AIRE: variants seen among roughly 807,000 people sequenced by gnomAD.
AIRE encodes the protein autoimmune polyendocrinopathy candidiasis ectodermal dystrophy protein.
Under a neutral mutation model 62.1 loss-of-function variants are expected in AIRE, and 52 were observed. The ratio of observed to expected loss-of-function variants is 0.84; its 90% CI spans 0.67 to 1.06. The LOEUF (loss-of-function observed/expected upper bound fraction) is 1.06, where lower values mean the gene tolerates loss of function less well. Ranked by LOEUF, AIRE falls within the 50% of genes least tolerant of loss-of-function variation. The pLI, the probability that AIRE is intolerant of heterozygous loss-of-function variation, is 0.00. For missense variants in AIRE, 774 were observed against 755.8 expected (o/e 1.02, Z -0.28); for synonymous variants, 342 against 321.6 (o/e 1.06, Z -0.68).
Position 44,287,651 on chromosome 21 carries a change from G to T in AIRE, c.538+60G>T. 1 of 1,484,512 alleles carries T rather than the reference G, an allele frequency of 6.7e-7. No homozygotes were observed. 92.0% of individuals were successfully genotyped at this position (1,484,512 alleles called of 1,614,324 possible). On this transcript the variant is annotated intron_variant, in intron 4 of 13. Transcript: ENST00000291582. The surrounding 1 kb of genome is among the most constrained non-coding windows in gnomAD (Gnocchi z 4.3). ...CCTGGCCAGGGGCAAGGGGTCAGGG[G>T]TCAGAGCAGGGCCTGCCCTCTGAGA...
chr21:44,292,923 C>G, intron 9 of AIRE, 70 bp from the exon 10 acceptor site: 2 of 1,446,776 alleles, frequency 1.4e-6, no homozygotes, highest in Non-Finnish European at 1.9e-6. Flanking sequence ...AGGGTCCCAG[C>G]AGTCACTGAC....
intron 5 of AIRE, chr21:44,289,267 C>T: frequency 4.4e-6 from 1 of 226,168 alleles, no homozygotes; most frequent in Non-Finnish European, 8.0e-6. Flanking sequence ...CTCCTTGTTC[C>T]TGGGCTCAGG....
In AIRE at chr21:44,293,815, G is replaced by A. The variant is rs2146384547; in HGVS notation, c.1305G>A (p.Gly435=). 6.3e-7 allele frequency: 1 copy of A among 1,596,756 alleles called. No individual in the cohort carries two copies. Among genetic ancestry groups the A allele is most frequent in the Non-Finnish European group, 8.5e-7 (1 of 1,179,574 alleles). ...ACCTGGCTCCTGGTGCGCGTTGCGG[G>A]GTGTGCGGAGATGGTACGGACGTGC... ...QQNLAPGARC[G]VCGDGTDVLR... Residue 435 remains glycine, a synonymous_variant, in exon 11 of 14, where the codon GGG becomes GGA. Coordinates refer to ENST00000291582, the MANE Select transcript of AIRE (RefSeq NM_000383.4).
At chr21:44,296,862 T>C (rs905952984) in intron 13 of AIRE, among the ~76,000 whole-genome samples, 10 of 152,128 alleles carry the variant, frequency 6.6e-5, no homozygotes, top group African/African-American at 2.4e-4. Flanking sequence ...CTCTAAGATT[T>C]GCTTGCCCCT....
Position 44,290,872 on chromosome 21 carries a change from C to G in AIRE, c.880-223C>G. 3 of 1,605,552 alleles carry G rather than the reference C, an allele frequency of 1.9e-6. No homozygotes were observed. In the South Asian group the frequency reaches 3.3e-5, roughly 18 times the overall value. On this transcript the variant is annotated intron_variant, in intron 7 of 13. Coordinates refer to ENST00000291582, the MANE Select transcript of AIRE (RefSeq NM_000383.4). The stretch of plus-strand genomic sequence containing the variant: ...AGCCTGCAAGAAACCGGGTTTTCTT[C>G]CCAATAGGGATGGCCCCGGGGGGTG...
At chr21:44,296,315 C>T in intron 12 of AIRE, 68 bp from the exon 13 acceptor site, 1 of 1,434,636 alleles carries the variant, frequency 7.0e-7, no homozygotes, top group Non-Finnish European at 9.8e-7. Flanking sequence ...CCCCTAGGCC[C>T]TGCGGCCTCT....
rs139620961 is a variant in AIRE, at chr21:44,289,659, G to C, written c.655G>C (p.Gly219Arg). 2 of 1,612,656 alleles carry C rather than the reference G, an allele frequency of 1.2e-6. No homozygotes were observed. Among genetic ancestry groups the C allele is most frequent in the Non-Finnish European group, 1.7e-6 (2 of 1,179,960 alleles). ...GACCAGCCGGCATCTCCTCCCAGGC[G>C]GCTCCAAGAAGTGCATCCAGGTTGG... ...ILIQQVFESG[G>R]SKKCIQVGGE... is the part of the protein sequence containing the mutation. Residue 219 changes from glycine (G) to arginine (R), a missense_variant and splice_region_variant, in exon 6 of 14, where the codon GGC (glycine) becomes CGC (arginine). By Grantham distance (125) the Gly-to-Arg change is moderately radical. This residue lies in a region of AIRE where 385 missense variants were observed against 396.0 expected (regional missense o/e 0.97). Coordinates refer to ENST00000291582, the MANE Select transcript of AIRE (RefSeq NM_000383.4).
Position 44,294,752 on chromosome 21 carries a change from G to A in AIRE, c.1503+249G>A, listed in dbSNP as rs543275817. On this transcript the variant is annotated intron_variant, in intron 12 of 13. Coordinates refer to ENST00000291582, the MANE Select transcript of AIRE (RefSeq NM_000383.4). ...TTGGTGGCTGACGTCACGGTTGGCTGTGTGGCCGCCTCACAGCATGAGCCT... is the reference window on the plus strand; with the variant it reads ...TTGGTGGCTGACGTCACGGTTGGCTATGTGGCCGCCTCACAGCATGAGCCT... Among the ~76,000 whole-genome samples the A allele has an allele frequency of 2.7e-4, 41 of 152,348 alleles. No homozygotes were observed. The South Asian group carries it at 5.4e-3, about 20-fold the overall frequency.
At chr21:44,293,760 G>A (rs375986631) in intron 10 of AIRE, 29 bp from the exon 11 acceptor site, 55 of 1,595,296 alleles carry the variant, frequency 3.4e-5, no homozygotes, top group Middle Eastern at 2.2e-4. Context: ...CCGGCCCCCC[G>A]CGTCACCCCG....
At chr21:44,296,291 A>C (rs2040606123) in intron 12 of AIRE, 92 bp from the exon 13 acceptor site, 1 of 1,157,010 alleles carries the variant, frequency 8.6e-7, no homozygotes, top group Non-Finnish European at 1.3e-6. Context: ...AGTGTGGGGG[A>C]AACACCCCCG....
intron 12 of AIRE, among the ~76,000 whole-genome samples, chr21:44,295,559 C>T (rs573261015): frequency 2.0e-5 from 3 of 152,332 alleles, no homozygotes; most frequent in African/African-American, 2.4e-5. Flanking sequence ...CAACTGCTCC[C>T]GCAGCGGGTA....
At chr21:44,289,497 T>A in intron 5 of AIRE, 160 bp from the exon 6 acceptor site, 6 of 825,278 alleles carry the variant, frequency 7.3e-6, no homozygotes, top group Admixed American at 3.2e-5. Flanking sequence ...TCCAGGACAA[T>A]CCCCGGGCCC....
At chr21:44,292,228 T>C (rs1715534176) in intron 8 of AIRE, 74 bp from the exon 9 acceptor site, 1 of 1,224,764 alleles carries the variant, frequency 8.2e-7, no homozygotes, top group Non-Finnish European at 1.2e-6. Context: ...GCCCTGGAGC[T>C]CCACCCGTGG....
intron 10 of AIRE, among the ~76,000 whole-genome samples, chr21:44,293,488 C>T (rs887046366): frequency 1.4e-4 from 21 of 152,166 alleles, no homozygotes; most frequent in Admixed American, 1.3e-4. Flanking sequence ...CTGTGGGCAC[C>T]GCCTTTCAGG....
Position 44,287,398 on chromosome 21 carries a change from C to A in AIRE, c.464-119C>A. On this transcript the variant is annotated intron_variant, in intron 3 of 13. Transcript: ENST00000291582. The surrounding 1 kb of genome is among the most constrained non-coding windows in gnomAD (Gnocchi z 4.3). ...TTACTGATGAGAAACCAGAGCCCGG[C>A]AAAGGGACTACCCAGCACTGGACCG... 1.3e-6 allele frequency: 1 copy of A among 756,172 alleles called. No individual in the cohort carries two copies. Among genetic ancestry groups the A allele is most frequent in the Non-Finnish European group, 2.2e-6 (1 of 450,320 alleles). 46.8% of individuals were successfully genotyped at this position (756,172 alleles called of 1,614,324 possible). A position where few individuals can be genotyped will look rare whatever the true frequency, so the allele number is the denominator to read the frequency against.
chr21:44,295,160 C>T (rs957600291), intron 12 of AIRE, among the ~76,000 whole-genome samples: 4 of 152,182 alleles, frequency 2.6e-5, no homozygotes, highest in African/African-American at 9.7e-5. Flanking sequence ...TCCTGGCCAC[C>T]GAGGAGCCTT....
Position 44,298,336 on chromosome 21 carries a change from G to T in AIRE, c.*609G>T. ...CCTGGCACCCTCCACTCTACTTTCT[G>T]TCTCTATGACTTCTCCAGGGACCTC... On this transcript the variant is annotated 3_prime_UTR_variant, in exon 14 of 14. Coordinates refer to ENST00000291582, the MANE Select transcript of AIRE (RefSeq NM_000383.4). 5.9e-6 allele frequency: 1 copy of T among 168,392 alleles called. No individual in the cohort carries two copies. 10.4% of individuals were successfully genotyped at this position (168,392 alleles called of 1,614,324 possible). A position where few individuals can be genotyped will look rare whatever the true frequency, so the allele number is the denominator to read the frequency against.
rs9974092 is a variant in AIRE at position 44,297,364 on chromosome 21, G to A, written c.1567-292G>A. On this transcript the variant is annotated intron_variant, in intron 13 of 13. Coordinates refer to ENST00000291582, the MANE Select transcript of AIRE (RefSeq NM_000383.4). This position sits in a 1 kb window ranked among gnomAD's most constrained non-coding sequence, Gnocchi z 4.8. ...GGCAGAACTGCCATGAACTGCCATG[G>A]GGATGTGCCCTGGGCTTATAGGATG... Among the ~76,000 whole-genome samples the A allele has an allele frequency of 0.1, 15,438 of 151,588 alleles. 937 individuals are homozygous for A. The highest frequency in any genetic ancestry group is 0.17 in the African/African-American group (7,172 of 41,248).
intron 10 of AIRE, 42 bp from the exon 11 acceptor site, chr21:44,293,747 C>T: frequency 1.3e-6 from 2 of 1,594,070 alleles, no homozygotes; most frequent in Admixed American, 1.7e-5. Context: ...AGCTACATTT[C>T]CCCCGGCCCC....
Sources: allele counts gnomAD v4.1 joint callset (sites outside exome capture counted in the v4.1 genomes callset), GRCh38; gene constraint gnomAD v4.1.1; regional missense constraint gnomAD v4.1.1; non-coding constraint Gnocchi (gnomAD v3.1); transcripts MANE v1.5; gene names NCBI Gene and HGNC (gene_info 2026-07-23, HGNC 2026-07-21).